The following LRP2 variants were observed in gnomAD, a reference collection of about 807,000 sequenced individuals.
LRP2 encodes low-density lipoprotein receptor-related protein 2.
Under a neutral mutation model 531.0 loss-of-function variants are expected in LRP2, and 172 were observed. The observed-to-expected ratio is 0.32, with a 90% confidence interval of 0.29 to 0.37. The LOEUF (loss-of-function observed/expected upper bound fraction) is 0.37. LRP2 is among the 10% of genes least tolerant of loss of function. LRP2 has a pLI of 1.00. For synonymous variants in LRP2, 1,992 were observed against 2,027.6 expected, an observed-to-expected ratio of 0.98 and a Z score of 0.47; for missense variants, 5,167 against 5,868.3, an observed-to-expected ratio of 0.88 and a Z score of 3.90.
chr2:169,355,389 A>C (rs1441042466), intron 1 of LRP2, among the ~76,000 whole-genome samples: 1 of 152,174 alleles, frequency 6.6e-6, no homozygotes, highest in Admixed American at 6.6e-5. Context: ...TATACTGAAC[A>C]CCTGTTATTT....
chr2:169,338,912 G>C (rs1479089131), intron 1 of LRP2, among the ~76,000 whole-genome samples: 1 of 152,152 alleles, frequency 6.6e-6, no homozygotes, highest in Non-Finnish European at 1.5e-5. Flanking sequence ...TTTAATTTCT[G>C]TGCCTCAGTT....
chr2:169,284,256 C>CCTCTT (rs1683783491), intron 9 of LRP2, among the ~76,000 whole-genome samples: 2 of 96,668 alleles, frequency 2.1e-5, no homozygotes, highest in Admixed American at 1.2e-4. Context: ...TCTTTTTTTT[C>CCTCTT]TTTTTTTTTT....
intron 68 of LRP2, among the ~76,000 whole-genome samples, chr2:169,147,273 C>T (rs771728244): frequency 6.6e-6 from 1 of 152,168 alleles, no homozygotes; most frequent in Non-Finnish European, 1.5e-5. Flanking sequence ...TTATTGAAGG[C>T]CTACTGTGTA....
At chr2:169,325,922 G>T (rs1355292522) in intron 1 of LRP2, among the ~76,000 whole-genome samples, 1 of 151,752 alleles carries the variant, frequency 6.6e-6, no homozygotes, top group Non-Finnish European at 1.5e-5. Flanking sequence ...AGAAGTCAAA[G>T]ATTTGGGGAC....
At chr2:169,128,940 G>A (rs1047274284) in intron 78 of LRP2, 73 bp downstream of exon 78, 2 of 1,533,852 alleles carry the variant, frequency 1.3e-6, no homozygotes, top group Non-Finnish European at 1.8e-6. Flanking sequence ...TAATCTAAGT[G>A]TGTGTCCAAT....
chr2:169,133,952 C>T (rs1013089203), intron 76 of LRP2, among the ~76,000 whole-genome samples: 7 of 152,194 alleles, frequency 4.6e-5, no homozygotes, highest in African/African-American at 1.7e-4. Flanking sequence ...GCCCAAATTT[C>T]ATCCTCATCT....
At chr2:169,345,596 G>A (rs753670062) in intron 1 of LRP2, among the ~76,000 whole-genome samples, 1 of 152,002 alleles carries the variant, frequency 6.6e-6, no homozygotes, top group Non-Finnish European at 1.5e-5. Context: ...ATATATACAT[G>A]CACTAACATT....
At chr2:169,231,297 A>C (rs558167019) in intron 31 of LRP2, among the ~76,000 whole-genome samples, 1 of 138,534 alleles carries the variant, frequency 7.2e-6, no homozygotes, top group East Asian at 2.0e-4. Context: ...CTGTCTCAGA[A>C]AGAAAAAAAA....
chr2:169,180,132 C>T (rs575515144), intron 52 of LRP2, among the ~76,000 whole-genome samples: 23 of 152,280 alleles, frequency 1.5e-4, no homozygotes, highest in Non-Finnish European at 3.1e-4. Context: ...ACTAAGCTTT[C>T]AAGACCAAGA....
chr2:169,160,685 A>AAAAAAAAAAAAAAACAAAAAAAAAC lies in LRP2; in HGVS notation c.11887+1786_11887+1787insGTTTTTTTTTGTTTTTTTTTTTTTT, dbSNP rs970862922. Among the ~76,000 whole-genome samples the AAAAAAAAAAAAAAACAAAAAAAAAC allele has an allele frequency of 4.2e-5, 4 of 94,278 alleles. No individual in the cohort carries two copies. In the East Asian group the frequency reaches 9.3e-4, roughly 22 times the overall value. The allele number at this position is 94,278 out of a possible 152,430, so 61.9% of individuals were successfully genotyped here. A position where few individuals can be genotyped will look rare whatever the true frequency, so the allele number is the denominator to read the frequency against. ...TTGTTTGTGCTACTTATTTCCTTAA[A>AAAAAAAAAAAAAAACAAAAAAAAAC]AAAAAAAAAACCTGCTACTAATTAA... On this transcript the variant is annotated intron_variant, in intron 63 of 78. Coordinates refer to ENST00000649046, the MANE Select transcript of LRP2 (RefSeq NM_004525.3).
At chr2:169,276,139 C>T (rs1683546679) in intron 13 of LRP2, among the ~76,000 whole-genome samples, 1 of 152,034 alleles carries the variant, frequency 6.6e-6, no homozygotes, top group Non-Finnish European at 1.5e-5. Flanking sequence ...AACAAAGAAA[C>T]CTAAGGTGGC....
intron 57 of LRP2, 42 bp downstream of exon 57, chr2:169,173,054 A>C (rs1284244334): frequency 1.2e-6 from 2 of 1,613,154 alleles, no homozygotes; most frequent in Non-Finnish European, 1.7e-6. Context: ...TGACATGTGC[A>C]CTTTCTTGTC....
chr2:169,245,858 G>A (rs1482699851), intron 21 of LRP2, among the ~76,000 whole-genome samples: 1 of 151,924 alleles, frequency 6.6e-6, no homozygotes, highest in Non-Finnish European at 1.5e-5. Context: ...TTTGGTTTTT[G>A]TTGTTGTTGT....
chr2:169,198,770 G>T lies in LRP2; in HGVS notation c.8578+16C>A. 6.2e-7 allele frequency: 1 copy of T among 1,612,662 alleles called. No individual in the cohort carries two copies. On this transcript the variant is annotated intron_variant, in intron 45 of 78. Transcript: ENST00000649046. ...TCTCTGGAACGATAGAAAGAAAGCA[G>T]TTTTATCTTACTCACTGCAATAAGT...
intron 16 of LRP2, among the ~76,000 whole-genome samples, chr2:169,269,615 A>G (rs960460390): frequency 3.9e-5 from 6 of 152,244 alleles, no homozygotes; most frequent in African/African-American, 1.4e-4. Context: ...AAGATGGATT[A>G]AAGATTTAAA....
In LRP2 at chr2:169,173,112, A is replaced by G; in HGVS notation, c.11127T>C (p.Ser3709=). The change falls in exon 57 of 79, where the codon AGT becomes AGC. Residue 3709 remains serine, a synonymous_variant. Coordinates refer to ENST00000649046, the MANE Select transcript of LRP2 (RefSeq NM_004525.3). ...CNGVDDCRDN[S]DEQGCEERTC... is the part of the protein sequence containing the mutation. Reference sequence around the variant, plus strand: ...CCCTCCTACCACAGCCTTGCTCATCACTGTTGTCCCTGCAGTCATCTACAC... The same window carrying G: ...CCCTCCTACCACAGCCTTGCTCATCGCTGTTGTCCCTGCAGTCATCTACAC... 1 of 1,613,574 alleles carries G rather than the reference A, an allele frequency of 6.2e-7. No homozygotes were observed. The highest frequency in any genetic ancestry group is 1.1e-5 in the South Asian group (1 of 91,056).
At chr2:169,306,888 G>A (rs148960911) in intron 4 of LRP2, among the ~76,000 whole-genome samples, 1 of 152,170 alleles carries the variant, frequency 6.6e-6, no homozygotes, top group Non-Finnish European at 1.5e-5. Flanking sequence ...TCTGAAAAAT[G>A]TTGAGTTCAT....
chr2:169,197,163 C>T (rs1364955180), intron 45 of LRP2, 133 bp from the exon 46 acceptor site: 18 of 1,015,596 alleles, frequency 1.8e-5, no homozygotes, highest in Non-Finnish European at 2.6e-5. Context: ...AAAATGGATG[C>T]TTGTGTAAGC....
chr2:169,174,090 T>A lies in LRP2; in HGVS notation c.10843A>T (p.Thr3615Ser). ...GAGTTATCCTCACAGTCGTTAAATG[T>A]GTCACACTGCCAGGATTCTGGGATG... ...RCIPESWQCD[T>S]FNDCEDNSDE... The change falls in exon 56 of 79, where the codon ACA (threonine) becomes TCA (serine). Residue 3615 changes from threonine to serine, a missense_variant. Thr to Ser is a moderately conservative substitution (Grantham distance 58). This residue lies in a region of LRP2 where 311 missense variants were observed against 309.4 expected (regional missense o/e 1.01). Coordinates refer to ENST00000649046, the MANE Select transcript of LRP2 (RefSeq NM_004525.3). The A allele has an allele frequency of 6.2e-7, 1 of 1,614,232 alleles. No individual in the cohort carries two copies. Among genetic ancestry groups the A allele is most frequent in the Non-Finnish European group, 8.5e-7 (1 of 1,180,050 alleles).
Sources: allele counts gnomAD v4.1 joint callset (sites outside exome capture counted in the v4.1 genomes callset), GRCh38; gene constraint gnomAD v4.1.1; regional missense constraint gnomAD v4.1.1; transcripts MANE v1.5; gene names NCBI Gene and HGNC (gene_info 2026-07-23, HGNC 2026-07-21).